PIEZO2: variants seen among roughly 807,000 people sequenced by gnomAD.
PIEZO2 encodes the protein piezo-type mechanosensitive ion channel component 2.
In PIEZO2, 172 loss-of-function variants were observed where a neutral mutation model predicts 337.3. The ratio of observed to expected loss-of-function variants is 0.51; its 90% CI spans 0.45 to 0.58. The LOEUF (loss-of-function observed/expected upper bound fraction) is 0.58. Among genes scored for constraint, PIEZO2 ranks in the 20% least tolerant of loss-of-function variants. PIEZO2 has a pLI of 0.00. For synonymous variants in PIEZO2, 1,251 were observed against 1,228.5 expected (o/e 1.02, Z -0.38); for missense variants, 3,028 against 3,391.3 (o/e 0.89, Z 2.66).
chr18:10,697,817 C>T lies in PIEZO2; in HGVS notation c.6758G>A (p.Gly2253Asp), dbSNP rs1427608557. The T allele has an allele frequency of 1.2e-6, 2 of 1,614,022 alleles. No individual in the cohort carries two copies. Among genetic ancestry groups the T allele is most frequent in the African/African-American group, 1.3e-5 (1 of 74,910 alleles). Residue 2253 changes from glycine to aspartate, a missense_variant, in exon 45 of 56, where the codon GGC becomes GAC. Gly to Asp is a moderately conservative substitution (Grantham distance 94, BLOSUM62 -1). Coordinates refer to ENST00000674853, the MANE Select transcript of PIEZO2 (RefSeq NM_001378183.1). ...GSSVLSIKQK[G>D]KRELYMEKLQ... The stretch of plus-strand genomic sequence containing the variant: ...CTTTTCCATATAAAGTTCCCTTTTG[C>T]CTTTTTGCTTAATACTCAAAACACT...
intron 2 of PIEZO2, among the ~76,000 whole-genome samples, chr18:11,039,589 T>A (rs2037042929): frequency 6.6e-6 from 1 of 152,138 alleles, no homozygotes; most frequent in Non-Finnish European, 1.5e-5. Context: ...CATATATATA[T>A]GATCCACATG....
chr18:10,902,431 C>A (rs2043073587), intron 4 of PIEZO2, among the ~76,000 whole-genome samples: 1 of 152,104 alleles, frequency 6.6e-6, no homozygotes, highest in Non-Finnish European at 1.5e-5. Context: ...CAAAACCGGG[C>A]TTTTAAACTG....
At chr18:10,909,657 C>T (rs1390206229) in intron 4 of PIEZO2, among the ~76,000 whole-genome samples, 1 of 152,134 alleles carries the variant, frequency 6.6e-6, no homozygotes, top group Non-Finnish European at 1.5e-5. Flanking sequence ...GTGGCAAAGA[C>T]TTATTGGAGC....
At chr18:10,964,314 G>T (rs1249592200) in intron 3 of PIEZO2, among the ~76,000 whole-genome samples, 1 of 151,938 alleles carries the variant, frequency 6.6e-6, no homozygotes, top group Non-Finnish European at 1.5e-5. Context: ...AAAAAATAGG[G>T]ACAATGGATT....
chr18:10,904,741 C>G (rs146863569), intron 4 of PIEZO2, among the ~76,000 whole-genome samples: 128 of 152,380 alleles, frequency 8.4e-4, no homozygotes, highest in African/African-American at 3.0e-3. Context: ...TCCACAGCCT[C>G]TGCAGCTGAC....
chr18:10,681,829 A>G, intron 50 of PIEZO2, 76 bp from the exon 51 acceptor site: 1 of 1,252,758 alleles, frequency 8.0e-7, no homozygotes, highest in Non-Finnish European at 1.2e-6. Flanking sequence ...AAAAACATTT[A>G]TGTAGGATAT....
intron 15 of PIEZO2, among the ~76,000 whole-genome samples, chr18:10,787,581 T>C (rs1021255229): frequency 1.3e-5 from 2 of 152,166 alleles, no homozygotes; most frequent in Non-Finnish European, 2.9e-5. Flanking sequence ...CATTTTGAAA[T>C]TGAAAGCAAT....
chr18:10,717,657 T>C (rs1335487770), intron 37 of PIEZO2, among the ~76,000 whole-genome samples: 1 of 152,232 alleles, frequency 6.6e-6, no homozygotes, highest in African/African-American at 2.4e-5. Flanking sequence ...AATGGCACTG[T>C]GGCTGGACTG....
Position 10,980,149 on chromosome 18 carries a change from T to G in PIEZO2, c.161-489A>C, listed in dbSNP as rs1157799149. Among the ~76,000 whole-genome samples the G allele has an allele frequency of 6.6e-6, 1 of 152,156 alleles. No individual in the cohort carries two copies. Among genetic ancestry groups the G allele is most frequent in the Non-Finnish European group, 1.5e-5 (1 of 68,024 alleles). ...TCATAACATAGATATGAATTATTTT[T>G]TTTAAATGTGTTAACCAACTGAAAT... On this transcript the variant is annotated intron_variant, in intron 2 of 55. Coordinates refer to ENST00000674853, the MANE Select transcript of PIEZO2 (RefSeq NM_001378183.1). The surrounding 1 kb of genome is among the most constrained non-coding windows in gnomAD (Gnocchi z 4.8).
intron 4 of PIEZO2, among the ~76,000 whole-genome samples, chr18:10,873,136 TA>T (rs1333649867): frequency 6.6e-6 from 1 of 152,168 alleles, no homozygotes. Context: ...TGAAAATATT[TA>T]AAAATATTAA....
intron 7 of PIEZO2, among the ~76,000 whole-genome samples, chr18:10,841,407 G>A (rs575131103): frequency 5.9e-5 from 9 of 152,098 alleles, no homozygotes; most frequent in Non-Finnish European, 1.2e-4. Context: ...AGCCACAGTG[G>A]GGGAGGCCAA....
At position 10,773,525 on chromosome 18, in the gene PIEZO2, T is replaced by G; in HGVS notation, c.2672A>C (p.Lys891Thr). ...GGCTTTTTCAGAGTAGCCCTCAAGC[T>G]TCTCCTCCCCAGGCTCAGCCAACTT... ...VRKLAEPGEE[K>T]LEGYSEKAQK... The change falls in exon 20 of 56, where the codon AAG becomes ACG. Residue 891 changes from lysine (K) to threonine (T), a missense_variant. By Grantham distance (78) the Lys-to-Thr change is moderately conservative. Coordinates refer to ENST00000674853, the MANE Select transcript of PIEZO2 (RefSeq NM_001378183.1). The surrounding 1 kb of genome is among the most constrained non-coding windows in gnomAD (Gnocchi z 5.3). The G allele has an allele frequency of 6.5e-7, 1 of 1,537,446 alleles. No individual in the cohort carries two copies. The highest frequency in any genetic ancestry group is 8.7e-7 in the Non-Finnish European group (1 of 1,146,952).
intron 3 of PIEZO2, among the ~76,000 whole-genome samples, chr18:10,956,551 A>G (rs2033530879): frequency 6.6e-6 from 1 of 152,248 alleles, no homozygotes; most frequent in Non-Finnish European, 1.5e-5. Flanking sequence ...TGTATGGAGC[A>G]ACAAAAGACC....
chr18:10,766,250 AG>A lies in PIEZO2; in HGVS notation c.2947-3153del. The stretch of plus-strand genomic sequence containing the variant: ...AGGAACAGGAGGAGGAGGAGGGATA[AG>A]GAAGAAGAAGAGGAAGGAGAAAAGG... On this transcript the variant is annotated intron_variant, in intron 21 of 55. Transcript: ENST00000674853. The surrounding 1 kb of genome is among the most constrained non-coding windows in gnomAD (Gnocchi z 6.1). 2.0e-5 allele frequency among the ~76,000 whole-genome samples: 1 copy of A among 50,284 alleles called. No individual in the cohort carries two copies. The highest frequency in any genetic ancestry group is 5.4e-4 in the South Asian group (1 of 1,846). The allele number at this position is 50,284 out of a possible 152,430, so 33.0% of individuals were successfully genotyped here. A position where few individuals can be genotyped will look rare whatever the true frequency, so the allele number is the denominator to read the frequency against.
At position 10,863,720 on chromosome 18, in the gene PIEZO2, A is replaced by G. The variant is rs79178433; in HGVS notation, c.493-6509T>C. On this transcript the variant is annotated intron_variant, in intron 5 of 55. Transcript: ENST00000674853. This position sits in a 1 kb window ranked among gnomAD's most constrained non-coding sequence, Gnocchi z 4.3. ...GTTAATTCACCTACTTAGAATGGCA[A>G]TAGTCTTTAAGAATCATCTGAACAT... Among the ~76,000 whole-genome samples, 2,191 of 152,318 alleles carry G rather than the reference A, an allele frequency of 0.014. 52 individuals carry two copies. Among genetic ancestry groups the G allele is most frequent in the African/African-American group, 0.049 (2,019 of 41,562 alleles).
intron 2 of PIEZO2, among the ~76,000 whole-genome samples, chr18:10,991,153 T>TATAC: frequency 7.1e-6 from 1 of 141,840 alleles, no homozygotes; most frequent in African/African-American, 3.0e-5. Context: ...TGGAAGGTTT[T>TATAC]ATACACACAC....
At chr18:11,124,397 C>T (rs2040122429) in intron 1 of PIEZO2, among the ~76,000 whole-genome samples, 1 of 152,150 alleles carries the variant, frequency 6.6e-6, no homozygotes, top group African/African-American at 2.4e-5. Flanking sequence ...TTTATTGTGT[C>T]AAGCCATAGA....
intron 52 of PIEZO2, among the ~76,000 whole-genome samples, chr18:10,678,853 C>T (rs1265191635): frequency 2.6e-5 from 4 of 151,812 alleles, no homozygotes; most frequent in Admixed American, 6.6e-5. Flanking sequence ...GCATCTCACA[C>T]GTTGGAAGGG....
At chr18:10,869,256 C>T (rs1431354315) in intron 5 of PIEZO2, among the ~76,000 whole-genome samples, 7 of 152,158 alleles carry the variant, frequency 4.6e-5, no homozygotes, top group African/African-American at 7.2e-5. Context: ...ACACACTAGG[C>T]GGCCTCCATG....
Sources: gnomAD v4.1 joint callset for allele counts (sites outside exome capture counted in the v4.1 genomes callset) on GRCh38, gnomAD v4.1.1 for gene constraint, Gnocchi (gnomAD v3.1) non-coding constraint, MANE v1.5 for transcripts, NCBI Gene and HGNC (gene_info 2026-07-23, HGNC 2026-07-21) for gene names.